The following MIGA1 variants were observed in gnomAD, a reference collection of about 807,000 sequenced individuals.
MIGA1 encodes the protein mitoguardin 1, also known as family with sequence similarity 73, member A.
In MIGA1, 58 loss-of-function variants were observed where a neutral mutation model predicts 82.0. The observed-to-expected ratio is 0.71, with a 90% CI of 0.57 to 0.88. MIGA1 has a LOEUF of 0.88. Among genes scored for constraint, MIGA1 ranks in the 40% least tolerant of loss-of-function variants. The pLI is 0.00. For synonymous variants in MIGA1, 249 were observed against 253.6 expected, an observed-to-expected ratio of 0.98 and a Z score of 0.17; for missense variants, 751 against 749.1, an observed-to-expected ratio of 1.00 and a Z score of -0.03.
chr1:77,869,220 G>A (rs1427703774), intron 14 of MIGA1, among the ~76,000 whole-genome samples: 29 of 138,148 alleles, frequency 2.1e-4, no homozygotes, highest in Admixed American at 6.8e-4. Context: ...TTAACCCTGA[G>A]TGGACACAGC....
chr1:77,869,913 G>C (rs1289105184), intron 14 of MIGA1, among the ~76,000 whole-genome samples: 4 of 131,356 alleles, frequency 3.0e-5, no homozygotes, highest in Non-Finnish European at 5.0e-5. Flanking sequence ...CGGGCGGGGG[G>C]CTGACCCCGC....
At chr1:77,847,972 C>G (rs1684906765) in intron 8 of MIGA1, 10 of 1,227,844 alleles carry the variant, frequency 8.1e-6, no homozygotes, top group South Asian at 7.3e-5. Context: ...AGAATCACCC[C>G]CAAGCACCAC....
intron 2 of MIGA1, among the ~76,000 whole-genome samples, chr1:77,787,400 T>C (rs79241674): frequency 6.6e-6 from 1 of 151,960 alleles, no homozygotes; most frequent in African/African-American, 2.4e-5. Flanking sequence ...TTTTTTTTTT[T>C]TGTAAGACAG....
At chr1:77,799,879 C>T (rs1331065603) in intron 2 of MIGA1, among the ~76,000 whole-genome samples, 1 of 148,032 alleles carries the variant, frequency 6.8e-6, no homozygotes, top group Non-Finnish European at 1.5e-5. Flanking sequence ...AGCTGTTGGT[C>T]TTATTGATTT....
intron 8 of MIGA1, chr1:77,848,062 C>G (rs558256714): frequency 7.0e-6 from 9 of 1,285,162 alleles, no homozygotes; most frequent in African/African-American, 5.9e-5. Flanking sequence ...TCACGAACAT[C>G]GAGAGGACAC....
chr1:77,872,424 G>A (rs1646853808), intron 14 of MIGA1, among the ~76,000 whole-genome samples: 1 of 152,094 alleles, frequency 6.6e-6, no homozygotes, highest in Admixed American at 6.5e-5. Flanking sequence ...AACATAGTGA[G>A]ACCTGTTTCT....
rs138275994 is a variant in MIGA1 at position 77,829,791 on chromosome 1, A to G, written c.896-13516A>G. Among the ~76,000 whole-genome samples, 11 of 151,726 alleles carry G rather than the reference A, an allele frequency of 7.2e-5. No individual in the cohort carries two copies. In the East Asian group the frequency reaches 2.1e-3, roughly 29 times the overall value. ...CGGCCGTAGAAGTTTTTTTAAATGT[A>G]TTTTATTGTTTTGTTTTTAATGTTT... On this transcript the variant is annotated intron_variant, in intron 7 of 15. Coordinates refer to ENST00000370791, the MANE Select transcript of MIGA1 (RefSeq NM_198549.4).
At chr1:77,838,257 CTTGT>C (rs1684502167) in intron 7 of MIGA1, among the ~76,000 whole-genome samples, 2 of 152,166 alleles carry the variant, frequency 1.3e-5, no homozygotes, top group African/African-American at 4.8e-5. Context: ...GATGGCTCTT[CTTGT>C]AATCCCTTCC....
intron 7 of MIGA1, among the ~76,000 whole-genome samples, chr1:77,819,135 AG>A (rs1470903478): frequency 6.6e-6 from 1 of 151,812 alleles, no homozygotes; most frequent in African/African-American, 2.4e-5. Context: ...AACAACTTTT[AG>A]GATATAAATA....
At chr1:77,872,604 A>G (rs1646855432) in intron 14 of MIGA1, among the ~76,000 whole-genome samples, 2 of 152,338 alleles carry the variant, frequency 1.3e-5, no homozygotes, top group Admixed American at 1.3e-4. Context: ...CTGTCTCAAA[A>G]AAACAAACAA....
At chr1:77,848,614 C>G in intron 8 of MIGA1, 6 of 1,470,400 alleles carry the variant, frequency 4.1e-6, no homozygotes, top group Non-Finnish European at 5.7e-6. Flanking sequence ...TGAATCATCA[C>G]TGGGAGCAAA....
At chr1:77,829,891 C>T (rs1397156642) in intron 7 of MIGA1, among the ~76,000 whole-genome samples, 1 of 147,314 alleles carries the variant, frequency 6.8e-6, no homozygotes, top group South Asian at 2.3e-4. Flanking sequence ...CCCCCCCACC[C>T]CCCACCGTCA....
intron 7 of MIGA1, among the ~76,000 whole-genome samples, chr1:77,820,108 T>G (rs77898331): frequency 5.5e-5 from 5 of 90,950 alleles, no homozygotes; most frequent in Admixed American, 3.4e-4. Flanking sequence ...GTGTAGATCT[T>G]TTTTTTTTTT....
intron 7 of MIGA1, among the ~76,000 whole-genome samples, chr1:77,818,197 C>T (rs1417309847): frequency 1.3e-5 from 2 of 151,052 alleles, no homozygotes; most frequent in Non-Finnish European, 2.9e-5. Flanking sequence ...GATCTCGGCT[C>T]ACCGCAACCT....
chr1:77,781,679 T>C (rs1468643976), intron 1 of MIGA1, among the ~76,000 whole-genome samples: 2 of 152,228 alleles, frequency 1.3e-5, no homozygotes, highest in Non-Finnish European at 2.9e-5. Context: ...GGTTGTTGAC[T>C]GAAATAAATG....
chr1:77,818,600 A>C (rs2101815361), intron 7 of MIGA1, among the ~76,000 whole-genome samples: 1 of 152,278 alleles, frequency 6.6e-6, no homozygotes, highest in Non-Finnish European at 1.5e-5. Flanking sequence ...GGGAAAGATG[A>C]AATTAGATGA....
chr1:77,820,994 T>G (rs1683784859), intron 7 of MIGA1, among the ~76,000 whole-genome samples: 1 of 151,566 alleles, frequency 6.6e-6, no homozygotes, highest in Non-Finnish European at 1.5e-5. Context: ...ATTAGCTGGG[T>G]GTGGTGGCGG....
At chr1:77,870,094 A>AC (rs1354404251) in intron 14 of MIGA1, among the ~76,000 whole-genome samples, 9 of 74,700 alleles carry the variant, frequency 1.2e-4, no homozygotes, top group Admixed American at 3.8e-4. Context: ...CGGGGGGCTG[A>AC]CCCCCCCACC....
intron 12 of MIGA1, chr1:77,861,585 C>G: frequency 2.6e-6 from 1 of 380,194 alleles, no homozygotes; most frequent in Non-Finnish European, 4.8e-6. Flanking sequence ...CCCTCTCTTC[C>G]TTCTCTCCAA....
Sources: gnomAD v4.1 joint callset for allele counts (sites outside exome capture counted in the v4.1 genomes callset) on GRCh38, gnomAD v4.1.1 for gene constraint, MANE v1.5 for transcripts, NCBI Gene and HGNC (gene_info 2026-07-23, HGNC 2026-07-21) for gene names.